Variants in SSR1 observed in about 807,000 individuals in gnomAD.
SSR1 encodes the protein signal sequence receptor subunit 1, also known as translocon-associated protein subunit alpha.
In SSR1, 13 loss-of-function variants were observed where a neutral mutation model predicts 36.1. The observed-to-expected ratio is 0.36, with a 90% CI of 0.23 to 0.57. SSR1 has a LOEUF of 0.57. SSR1 is among the 20% of genes least tolerant of loss of function. The probability of loss-of-function intolerance (pLI) is 0.81; values close to 1 mark genes in which losing one functional copy is unlikely to be tolerated. For missense variants in SSR1, 291 were observed against 338.5 expected (o/e 0.86, Z 1.10); for synonymous variants, 113 against 118.9 (o/e 0.95, Z 0.32).
intron 4 of SSR1, among the ~76,000 whole-genome samples, chr6:7,299,505 C>G (rs539116781): frequency 6.6e-6 from 1 of 152,212 alleles, no homozygotes; most frequent in African/African-American, 2.4e-5. Flanking sequence ...TCAAGACCAG[C>G]CTGGCCAACA....
In SSR1 at chr6:7,298,718, AAG is replaced by A. The variant is rs1475265211; in HGVS notation, c.620+27_620+28del. On this transcript the variant is annotated intron_variant, in intron 5 of 7. Coordinates refer to ENST00000244763, the MANE Select transcript of SSR1 (RefSeq NM_003144.5). ...CCAGTCTTACTTTACGAGCAAAATC[AAG>A]ATCTACATACTACAACTTTCACTTA... 2.6e-6 allele frequency: 4 copies of A among 1,559,496 alleles called. No homozygotes were observed. The African/African-American group carries it at 5.4e-5, about 21-fold the overall frequency.
At chr6:7,309,074 A>AAG (rs1758130055) in intron 2 of SSR1, among the ~76,000 whole-genome samples, 1 of 152,200 alleles carries the variant, frequency 6.6e-6, no homozygotes, top group Admixed American at 6.5e-5. Context: ...CTCTGTTCTC[A>AAG]ATGACTGGTG....
At chr6:7,310,223 A>ATTTTTT (rs1313681306) in intron 1 of SSR1, among the ~76,000 whole-genome samples, 194 bp from the exon 2 acceptor site, 1 of 115,714 alleles carries the variant, frequency 8.6e-6, no homozygotes, top group Non-Finnish European at 1.8e-5. Flanking sequence ...ACTGCATATC[A>ATTTTTT]ATTTTTTTTT....
In SSR1 at chr6:7,287,716, A is replaced by T. The variant is rs1757586096; in HGVS notation, c.*2148T>A. ...AACATAGTTGGTGTAGCAAATGAAT[A>T]TATCAAAACAAAGAAAAACTTCATC... On this transcript the variant is annotated 3_prime_UTR_variant, in exon 8 of 8. Transcript: ENST00000244763. 6.5e-6 allele frequency: 1 copy of T among 152,676 alleles called. No homozygotes were observed. Among genetic ancestry groups the T allele is most frequent in the Non-Finnish European group, 1.5e-5 (1 of 68,052 alleles). 9.5% of individuals were successfully genotyped at this position (152,676 alleles called of 1,614,324 possible).
chr6:7,309,142 A>C (rs1243816153), intron 2 of SSR1, among the ~76,000 whole-genome samples: 1 of 152,152 alleles, frequency 6.6e-6, no homozygotes, highest in Non-Finnish European at 1.5e-5. Flanking sequence ...AAAAGTTGGG[A>C]TTTTAAATTT....
In SSR1 at chr6:7,286,904, C is replaced by T. The variant is rs1356876437; in HGVS notation, c.*2960G>A. Reference sequence around the variant, plus strand: ...TCCAGCCTGGGTGACACAGAGACTCCGTCTCAGGGGGCAAAAAAAAAAAAA... The same window carrying T: ...TCCAGCCTGGGTGACACAGAGACTCTGTCTCAGGGGGCAAAAAAAAAAAAA... On this transcript the variant is annotated 3_prime_UTR_variant, in exon 8 of 8. Transcript: ENST00000244763. 8.7e-6 allele frequency: 1 copy of T among 115,400 alleles called. No individual in the cohort carries two copies. Among genetic ancestry groups the T allele is most frequent in the Non-Finnish European group, 1.6e-5 (1 of 60,662 alleles). 7.1% of individuals were successfully genotyped at this position (115,400 alleles called of 1,614,324 possible).
At chr6:7,306,558 T>C (rs908163379) in intron 2 of SSR1, among the ~76,000 whole-genome samples, 3 of 152,138 alleles carry the variant, frequency 2.0e-5, no homozygotes, top group Admixed American at 1.3e-4. Flanking sequence ...CTTTCAGGAA[T>C]GATGGCAAGT....
chr6:7,298,891 C>A, intron 4 of SSR1, 68 bp from the exon 5 acceptor site: 1 of 1,267,472 alleles, frequency 7.9e-7, no homozygotes, highest in South Asian at 1.2e-5. Context: ...TGTAACATTA[C>A]TTAAAACAGT....
In SSR1 at chr6:7,297,914, C is replaced by G; in HGVS notation, c.699+9G>C. The stretch of plus-strand genomic sequence containing the variant: ...AACACGGCTGTAAGAGGTGTTCATC[C>G]ATAATTACCTTTCTAGATTCTAGGA... On this transcript the variant is annotated intron_variant, in intron 6 of 7. Coordinates refer to ENST00000244763, the MANE Select transcript of SSR1 (RefSeq NM_003144.5). 6.2e-7 allele frequency: 1 copy of G among 1,610,010 alleles called. No individual in the cohort carries two copies.
At chr6:7,308,378 T>C (rs1487820947) in intron 2 of SSR1, among the ~76,000 whole-genome samples, 1 of 152,268 alleles carries the variant, frequency 6.6e-6, no homozygotes, top group Non-Finnish European at 1.5e-5. Context: ...CAGAAATCTA[T>C]ATATAAGAAT....
Position 7,310,022 on chromosome 6 carries a change from T to C in SSR1, c.87A>G (p.Leu29=), listed in dbSNP as rs1431178143. 1 of 1,609,642 alleles carries C rather than the reference T, an allele frequency of 6.2e-7. No individual in the cohort carries two copies. The highest frequency in any genetic ancestry group is 1.3e-5 in the African/African-American group (1 of 74,896). Residue 29 remains leucine, a synonymous_variant, in exon 2 of 8, where the codon TTA becomes TTG. Transcript: ENST00000244763. The part of the protein sequence containing the change: ...VLFRGGPRGL[L]AVAQDLTEDE... ...CCTCTGTAAGATCTTGTGCCACTGC[T>C]AACAAGCCTAATGATAAAATACAGA...
In SSR1 at chr6:7,283,824, G is replaced by C. The variant is rs1757485385; in HGVS notation, c.*6040C>G. On this transcript the variant is annotated 3_prime_UTR_variant, in exon 8 of 8. Coordinates refer to ENST00000244763, the MANE Select transcript of SSR1 (RefSeq NM_003144.5). ...GTGCACTCTGCATTACTGAGAATGT[G>C]CTCCCTGCCAAAAGGCTCCTACCCT... The C allele has an allele frequency of 6.6e-6, 1 of 152,232 alleles. No homozygotes were observed. Among genetic ancestry groups the C allele is most frequent in the South Asian group, 2.1e-4 (1 of 4,828 alleles). 9.4% of individuals were successfully genotyped at this position (152,232 alleles called of 1,614,324 possible).
At chr6:7,308,882 G>A (rs1297289394) in intron 2 of SSR1, among the ~76,000 whole-genome samples, 4 of 152,092 alleles carry the variant, frequency 2.6e-5, no homozygotes, top group African/African-American at 4.8e-5. Context: ...GCAAGCAAGC[G>A]AAAAAGAAAC....
intron 2 of SSR1, among the ~76,000 whole-genome samples, chr6:7,309,325 G>T (rs1006123629): frequency 2.0e-5 from 3 of 152,198 alleles, no homozygotes; most frequent in African/African-American, 7.2e-5. Flanking sequence ...AGCCGGGCTT[G>T]TTGGGGCATG....
At chr6:7,309,790 T>C in intron 2 of SSR1, 127 bp downstream of exon 2, 1 of 780,838 alleles carries the variant, frequency 1.3e-6, no homozygotes, top group South Asian at 1.5e-5. Flanking sequence ...CATGCTGAAC[T>C]GTGGGTCAAT....
chr6:7,290,063 G>A, intron 7 of SSR1, 132 bp from the exon 8 acceptor site: 1 of 612,506 alleles, frequency 1.6e-6, no homozygotes, highest in Non-Finnish European at 2.7e-6. Flanking sequence ...ATCTAATAAT[G>A]AATGCCTCCT....
rs549618350 is a variant in SSR1, at chr6:7,281,393, A to G, written c.*8471T>C. 3.3e-5 allele frequency: 5 copies of G among 152,368 alleles called. No homozygotes were observed. The South Asian group carries it at 1.0e-3, about 32-fold the overall frequency. The allele number at this position is 152,368 out of a possible 1,614,324, so 9.4% of individuals were successfully genotyped here. On this transcript the variant is annotated 3_prime_UTR_variant, in exon 8 of 8. Transcript: ENST00000244763. ...AAATAGTCCCAGAAGATAGCTAAAT[A>G]ACATTTTCAGATAGAACCTCACACT...
At chr6:7,298,053 C>T (rs553148903) in intron 5 of SSR1, 52 bp from the exon 6 acceptor site, 6 of 1,350,164 alleles carry the variant, frequency 4.4e-6, no homozygotes, top group African/African-American at 4.3e-5. Context: ...GGAAATACCA[C>T]GTCTAATTAC....
rs781695590 is a variant in SSR1, at chr6:7,289,931, T to A, written c.794A>T (p.Asn265Ile). The change falls in exon 8 of 8, where the codon AAT becomes ATT. Residue 265 changes from asparagine to isoleucine, a missense_variant and splice_region_variant. Physicochemically the swap from Asn to Ile is moderately radical, Grantham distance 149 (BLOSUM62 -3). Transcript: ENST00000244763. ...GGGCAACCTTCTTGGTGAAGCTTTATCTGGAAGAAAAGAGAAAGTTTTAAG... is the reference window on the plus strand; with the variant it reads ...GGGCAACCTTCTTGGTGAAGCTTTAACTGGAAGAAAAGAGAAAGTTTTAAG... Reference protein sequence around the residue: ...WIPQETLNQINKASPRRLPRK... With the variant: ...WIPQETLNQIIKASPRRLPRK... 1.3e-6 allele frequency: 2 copies of A among 1,538,208 alleles called. No homozygotes were observed. Among genetic ancestry groups the A allele is most frequent in the East Asian group, 2.5e-5 (1 of 40,074 alleles).
Sources: allele counts gnomAD v4.1 joint callset (sites outside exome capture counted in the v4.1 genomes callset), GRCh38; gene constraint gnomAD v4.1.1; transcripts MANE v1.5; gene names NCBI Gene and HGNC (gene_info 2026-07-23, HGNC 2026-07-21).